Variants in UBA5 observed in about 807,000 individuals in gnomAD.
The protein encoded by UBA5 is ubiquitin-like modifier-activating enzyme 5.
In UBA5, 28 loss-of-function variants were observed where a neutral mutation model predicts 52.9. The observed-to-expected ratio is 0.53, with a 90% CI of 0.39 to 0.73. The LOEUF (loss-of-function observed/expected upper bound fraction) is 0.73. Among genes scored for constraint, UBA5 ranks in the 30% least tolerant of loss-of-function variants. The probability of loss-of-function intolerance (pLI) is 0.00; values close to 1 mark genes in which losing one functional copy is unlikely to be tolerated. For missense variants in UBA5, 388 were observed against 492.7 expected (o/e 0.79, Z 2.01); for synonymous variants, 135 against 162.1 (o/e 0.83, Z 1.27).
chr3:132,662,832 G>A (rs1443695266), intron 1 of UBA5, among the ~76,000 whole-genome samples: 1 of 152,164 alleles, frequency 6.6e-6, no homozygotes, highest in Non-Finnish European at 1.5e-5. Flanking sequence ...TTGGGCAGTT[G>A]ATTAACCCAA....
At chr3:132,667,094 A>G in intron 3 of UBA5, among the ~76,000 whole-genome samples, 1 of 152,172 alleles carries the variant, frequency 6.6e-6, no homozygotes, top group African/African-American at 2.4e-5. Flanking sequence ...TGCTAGGATT[A>G]CACCAGTAAG....
At chr3:132,659,886 G>A, upstream of UBA5, 1 of 1,096,390 alleles carries the variant, frequency 9.1e-7, no homozygotes, top group East Asian at 2.9e-5. Flanking sequence ...ACCGCACACA[G>A]CCTACGCGCC....
intron 2 of UBA5, 26 bp downstream of exon 2, chr3:132,665,894 TG>T (rs1378409946): frequency 1.2e-6 from 2 of 1,612,954 alleles, no homozygotes; most frequent in African/African-American, 2.7e-5. Flanking sequence ...TCCAAGTTTT[TG>T]TAAGATTAAT....
chr3:132,659,759 C>A (rs1182400630), upstream of UBA5: 3 of 1,584,702 alleles, frequency 1.9e-6, no homozygotes, highest in African/African-American at 4.1e-5. Context: ...CATGATCACC[C>A]CCGCAGGCCA....
Position 132,677,025 on chromosome 3 carries a change from C to A in UBA5, c.*499C>A, listed in dbSNP as rs1056457581. 18 of 315,690 alleles carry A rather than the reference C, an allele frequency of 5.7e-5. No individual in the cohort carries two copies. Among genetic ancestry groups the A allele is most frequent in the African/African-American group, 3.0e-4 (14 of 46,408 alleles). 19.6% of individuals were successfully genotyped at this position (315,690 alleles called of 1,614,324 possible). On this transcript the variant is annotated 3_prime_UTR_variant, in exon 12 of 12. Coordinates refer to ENST00000356232, the MANE Select transcript of UBA5 (RefSeq NM_024818.6). ...AATTGCCCACTACTACTAACTTGAT[C>A]AACAATGAATTCAAAATAGTTAACC...
upstream of UBA5, among the ~76,000 whole-genome samples, chr3:132,656,658 C>A (rs191396063): frequency 1.6e-4 from 24 of 152,058 alleles, no homozygotes; most frequent in African/African-American, 5.3e-4. Flanking sequence ...CCACACCCAG[C>A]TAATTTCGTA....
intron 8 of UBA5, among the ~76,000 whole-genome samples, chr3:132,673,959 C>T (rs115194447): frequency 2.0e-5 from 3 of 152,328 alleles, no homozygotes; most frequent in Non-Finnish European, 4.4e-5. Context: ...AGCCACTGCA[C>T]ACGGCCTATA....
chr3:132,676,382 C>A lies in UBA5; in HGVS notation c.1132-61C>A, dbSNP rs1576654158. On this transcript the variant is annotated intron_variant, in intron 11 of 11. Coordinates refer to ENST00000356232, the MANE Select transcript of UBA5 (RefSeq NM_024818.6). This position sits in a 1 kb window ranked among gnomAD's most constrained non-coding sequence, Gnocchi z 4.1. ...GGTCAAAACTTGCTGATTATATATT[C>A]CTAAGCATCAAGAATTCTATATGGT... 7.5e-7 allele frequency: 1 copy of A among 1,338,368 alleles called. No individual in the cohort carries two copies. Among genetic ancestry groups the A allele is most frequent in the Non-Finnish European group, 1.1e-6 (1 of 949,816 alleles). The allele number at this position is 1,338,368 out of a possible 1,614,324, so 82.9% of individuals were successfully genotyped here.
chr3:132,660,871 ATTCT>A lies in UBA5; in HGVS notation c.161+178_161+181del. 1.4e-6 allele frequency: 2 copies of A among 1,445,166 alleles called. No homozygotes were observed. The highest frequency in any genetic ancestry group is 1.8e-6 in the Non-Finnish European group (2 of 1,101,266). The allele number at this position is 1,445,166 out of a possible 1,614,324, so 89.5% of individuals were successfully genotyped here. ...CACATCTTAGTACTGATCGGAAGAT[ATTCT>A]TTCTCTTTTTTAAAAACCTCCAGTG... On this transcript the variant is annotated intron_variant, in intron 1 of 11. Transcript: ENST00000356232. The surrounding 1 kb of genome is among the most constrained non-coding windows in gnomAD (Gnocchi z 4.1).
At position 132,676,686 on chromosome 3, in the gene UBA5, C is replaced by A. The variant is rs1344246325; in HGVS notation, c.*160C>A. The stretch of plus-strand genomic sequence containing the variant: ...AATCCTGTGACTTGCCTGTTTCTCC[C>A]CGCTCCAACGAAATCATTAACTCTC... On this transcript the variant is annotated 3_prime_UTR_variant, in exon 12 of 12. Transcript: ENST00000356232. The surrounding 1 kb of genome is among the most constrained non-coding windows in gnomAD (Gnocchi z 4.1). 5 of 617,514 alleles carry A rather than the reference C, an allele frequency of 8.1e-6. No individual in the cohort carries two copies. Among genetic ancestry groups the A allele is most frequent in the Non-Finnish European group, 1.5e-5 (5 of 343,698 alleles). 38.3% of individuals were successfully genotyped at this position (617,514 alleles called of 1,614,324 possible).
intron 1 of UBA5, among the ~76,000 whole-genome samples, chr3:132,663,578 G>T (rs1938256383): frequency 6.6e-6 from 1 of 152,116 alleles, no homozygotes; most frequent in Non-Finnish European, 1.5e-5. Context: ...ATTCTCTAGG[G>T]AATCTGATAG....
chr3:132,663,277 C>G (rs908117421), intron 1 of UBA5, among the ~76,000 whole-genome samples: 4 of 152,082 alleles, frequency 2.6e-5, no homozygotes, highest in Non-Finnish European at 5.9e-5. Context: ...ACAAAAGCCC[C>G]AGATCCCCTA....
chr3:132,671,594 ACT>A (rs1161313278), intron 6 of UBA5, among the ~76,000 whole-genome samples, 181 bp from the exon 7 acceptor site: 11 of 152,114 alleles, frequency 7.2e-5, no homozygotes. Context: ...GAATACTGTC[ACT>A]CTACTCTTTA....
rs137905299 is a variant in UBA5, at chr3:132,664,803, T to C, written c.162-1020T>C. Among the ~76,000 whole-genome samples, 53 of 152,258 alleles carry C rather than the reference T, an allele frequency of 3.5e-4. No homozygotes were observed. The East Asian group carries it at 8.5e-3, about 24-fold the overall frequency. ...AAGGGAGCTGTATGTGCAGTAAGTC[T>C]AGAGACAATCATGTCAGATTCTAGG... On this transcript the variant is annotated intron_variant, in intron 1 of 11. Coordinates refer to ENST00000356232, the MANE Select transcript of UBA5 (RefSeq NM_024818.6).
chr3:132,675,196 G>A (rs988445899), intron 8 of UBA5, 52 bp from the exon 9 acceptor site: 2 of 1,362,634 alleles, frequency 1.5e-6, no homozygotes, highest in Non-Finnish European at 2.0e-6. Flanking sequence ...AGGTGTTCTA[G>A]TATTTTTCAT....
At chr3:132,675,129 T>C in intron 8 of UBA5, 119 bp from the exon 9 acceptor site, 1 of 751,870 alleles carries the variant, frequency 1.3e-6, no homozygotes, top group East Asian at 2.8e-5. Flanking sequence ...CAGATTTCTG[T>C]TTTCTGGTTA....
At chr3:132,666,205 T>C (rs758058913) in intron 3 of UBA5, 132 bp downstream of exon 3, 14 of 718,732 alleles carry the variant, frequency 1.9e-5, no homozygotes, top group Non-Finnish European at 3.1e-5. Context: ...TTGTTCTTTC[T>C]ACTCGGGTTG....
rs1393460242 is a variant in UBA5, at chr3:132,669,011, T to A, written c.407+84T>A. The stretch of plus-strand genomic sequence containing the variant: ...ATGAGTTAATATAAATGAATCTTAA[T>A]TTTTCTCTATAAAATGCAGTTTTCA... On this transcript the variant is annotated intron_variant, in intron 4 of 11. Transcript: ENST00000356232. 3.1e-6 allele frequency: 3 copies of A among 971,146 alleles called. No homozygotes were observed. In the African/African-American group the frequency reaches 5.0e-5, roughly 16 times the overall value. 60.2% of individuals were successfully genotyped at this position (971,146 alleles called of 1,614,324 possible).
chr3:132,663,604 C>A (rs962237674), intron 1 of UBA5, among the ~76,000 whole-genome samples: 7 of 152,118 alleles, frequency 4.6e-5, no homozygotes, highest in Non-Finnish European at 8.8e-5. Context: ...AGAGGAAAGA[C>A]TGAAAGACAC....
Sources: allele counts gnomAD v4.1 joint callset (sites outside exome capture counted in the v4.1 genomes callset), GRCh38; gene constraint gnomAD v4.1.1; non-coding constraint Gnocchi (gnomAD v3.1); transcripts MANE v1.5; gene names NCBI Gene and HGNC (gene_info 2026-07-23, HGNC 2026-07-21).